Variants in KMT2C observed in about 807,000 individuals in gnomAD.
KMT2C encodes histone-lysine N-methyltransferase 2C.
Under a neutral mutation model 507.9 loss-of-function variants are expected in KMT2C, and 88 were observed. That is an observed-to-expected ratio of 0.17 (90% CI 0.15 to 0.21). The LOEUF is 0.21. Ranked by LOEUF, KMT2C falls within the 10% of genes least tolerant of loss-of-function variation. The probability of loss-of-function intolerance (pLI) is 1.00; values close to 1 mark genes in which losing one functional copy is unlikely to be tolerated. For missense variants in KMT2C, 4,954 were observed against 5,957.8 expected (o/e 0.83, Z 5.55); for synonymous variants, 2,049 against 2,080.8 (o/e 0.98, Z 0.42).
chr7:152,337,337 T>C (rs1243674016), intron 2 of KMT2C, among the ~76,000 whole-genome samples: 1 of 152,284 alleles, frequency 6.6e-6, no homozygotes, highest in South Asian at 2.1e-4. Flanking sequence ...TTGAAGACAA[T>C]GTGCACTTCA....
chr7:152,298,127 G>T (rs1439905120), intron 6 of KMT2C, among the ~76,000 whole-genome samples: 1 of 151,988 alleles, frequency 6.6e-6, no homozygotes, highest in Non-Finnish European at 1.5e-5. Flanking sequence ...ATCTTAAAAA[G>T]TGATTTTTAA....
rs1295322747 is a variant in KMT2C at position 152,427,139 on chromosome 7, C to A, written c.161+8487G>T. On this transcript the variant is annotated intron_variant, in intron 1 of 58. Coordinates refer to ENST00000262189, the MANE Select transcript of KMT2C (RefSeq NM_170606.3). Reference sequence around the variant, plus strand: ...CAAGCAATTCTCCTGCCTCAGCCTCCCGAGTAGCTGGGATTACAGGCGCCT... The same window carrying A: ...CAAGCAATTCTCCTGCCTCAGCCTCACGAGTAGCTGGGATTACAGGCGCCT... 2.6e-5 allele frequency among the ~76,000 whole-genome samples: 4 copies of A among 152,024 alleles called. No homozygotes were observed. In the East Asian group the frequency reaches 7.7e-4, roughly 29 times the overall value.
chr7:152,397,380 A>G (rs1044269678), intron 1 of KMT2C, among the ~76,000 whole-genome samples: 14 of 152,092 alleles, frequency 9.2e-5, no homozygotes, highest in African/African-American at 2.9e-4. Context: ...ACTCTAAGCC[A>G]TATCTGTCAA....
At chr7:152,293,045 A>G (rs1312814146) in intron 6 of KMT2C, among the ~76,000 whole-genome samples, 1 of 152,222 alleles carries the variant, frequency 6.6e-6, no homozygotes, top group Non-Finnish European at 1.5e-5. Context: ...AGGTGGAAAT[A>G]ACACTTATAC....
intron 25 of KMT2C, among the ~76,000 whole-genome samples, chr7:152,203,492 C>G (rs2094206042): frequency 6.6e-6 from 1 of 151,982 alleles, no homozygotes; most frequent in Non-Finnish European, 1.5e-5. Context: ...TCCTTTAATA[C>G]AGCAATTCCA....
At chr7:152,216,317 C>T (rs1003872622) in intron 23 of KMT2C, among the ~76,000 whole-genome samples, 1 of 152,030 alleles carries the variant, frequency 6.6e-6, no homozygotes, top group African/African-American at 2.4e-5. Context: ...TTCTGATACA[C>T]CAAAGTGATG....
chr7:152,309,436 A>C (rs2129198918), intron 6 of KMT2C, among the ~76,000 whole-genome samples: 2 of 128,002 alleles, frequency 1.6e-5, no homozygotes, highest in Admixed American at 8.4e-5. Context: ...CAATCTTCCC[A>C]CCTCAGCACC....
intron 6 of KMT2C, among the ~76,000 whole-genome samples, chr7:152,303,797 G>A (rs1038560605): frequency 7.2e-5 from 11 of 152,172 alleles, no homozygotes; most frequent in African/African-American, 2.7e-4. Context: ...AGACCAGCCT[G>A]GCCAACATGG....
At chr7:152,314,349 A>G (rs2129201882) in intron 4 of KMT2C, among the ~76,000 whole-genome samples, 1 of 152,294 alleles carries the variant, frequency 6.6e-6, no homozygotes, top group South Asian at 2.1e-4. Flanking sequence ...TGCAAGCTAA[A>G]TTAATTTTTA....
At position 152,226,217 on chromosome 7, in the gene KMT2C, GC is replaced by G. The variant is rs1345495486; in HGVS notation, c.2977-1602del. On this transcript the variant is annotated intron_variant, in intron 18 of 58. Transcript: ENST00000262189. ...ACAAGAGTTGGTTGTTCATTACAAG[GC>G]CTTTTTTTTTTTTTTTTTTTTTTTT... 3.0e-3 allele frequency among the ~76,000 whole-genome samples: 400 copies of G among 131,700 alleles called. 19 individuals are homozygous for G. Among genetic ancestry groups the G allele is most frequent in the African/African-American group, 0.012 (377 of 31,918 alleles). The allele number at this position is 131,700 out of a possible 152,430, so 86.4% of individuals were successfully genotyped here.
At chr7:152,385,957 A>G (rs2116505462) in intron 1 of KMT2C, among the ~76,000 whole-genome samples, 1 of 151,644 alleles carries the variant, frequency 6.6e-6, no homozygotes, top group African/African-American at 2.4e-5. Context: ...GCGTGGTAGC[A>G]CTCACCTATA....
At chr7:152,185,499 A>G in intron 34 of KMT2C, 59 bp downstream of exon 34, 1 of 1,296,580 alleles carries the variant, frequency 7.7e-7, no homozygotes, top group Non-Finnish European at 1.1e-6. Context: ...AACCTAATAC[A>G]AATAAGGTTC....
intron 1 of KMT2C, among the ~76,000 whole-genome samples, chr7:152,375,594 C>T (rs1050900416): frequency 6.6e-6 from 1 of 151,894 alleles, no homozygotes; most frequent in Non-Finnish European, 1.5e-5. Context: ...CCATGCTGGC[C>T]AGGCTGGTCT....
intron 6 of KMT2C, among the ~76,000 whole-genome samples, chr7:152,290,501 G>A (rs1220235751): frequency 6.7e-6 from 1 of 150,306 alleles, no homozygotes; most frequent in African/African-American, 2.4e-5. Context: ...GTAGAGACGG[G>A]GTTTCACAAT....
chr7:152,229,274 T>G (rs972429592), intron 18 of KMT2C, among the ~76,000 whole-genome samples: 1 of 152,078 alleles, frequency 6.6e-6, no homozygotes, highest in Non-Finnish European at 1.5e-5. Context: ...GACACTTTAT[T>G]CAAATATGTA....
chr7:152,434,262 C>T (rs932960508), intron 1 of KMT2C, among the ~76,000 whole-genome samples: 18 of 152,282 alleles, frequency 1.2e-4, no homozygotes, highest in Admixed American at 8.5e-4. Context: ...GTACACACAT[C>T]CTGTACTTGC....
intron 3 of KMT2C, among the ~76,000 whole-genome samples, chr7:152,320,437 C>T (rs973784859): frequency 1.3e-5 from 2 of 151,998 alleles, no homozygotes; most frequent in Non-Finnish European, 2.9e-5. Flanking sequence ...TTAGTAGAGA[C>T]GGAGTTTTGC....
intron 27 of KMT2C, among the ~76,000 whole-genome samples, chr7:152,196,903 A>C (rs1211592185): frequency 6.6e-6 from 1 of 152,210 alleles, no homozygotes; most frequent in Non-Finnish European, 1.5e-5. Context: ...ACAGTAAGAA[A>C]AACTGTGGTA....
intron 42 of KMT2C, among the ~76,000 whole-genome samples, chr7:152,165,989 C>T (rs898533352): frequency 2.6e-5 from 4 of 151,972 alleles, no homozygotes; most frequent in African/African-American, 7.2e-5. Context: ...TGCCTGGCCA[C>T]GTGTACACAG....
Sources: gnomAD v4.1 joint callset for allele counts (sites outside exome capture counted in the v4.1 genomes callset) on GRCh38, gnomAD v4.1.1 for gene constraint, MANE v1.5 for transcripts, NCBI Gene and HGNC (gene_info 2026-07-23, HGNC 2026-07-21) for gene names.